BSN: variants seen among roughly 807,000 people sequenced by gnomAD.
BSN encodes protein bassoon.
In BSN, 57 loss-of-function variants were observed where a neutral mutation model predicts 264.8. That is an observed-to-expected ratio of 0.22 (90% CI 0.17 to 0.27). The LOEUF is 0.27. BSN is among the 10% of genes least tolerant of loss of function. The pLI, the probability that BSN is intolerant of heterozygous loss-of-function variation, is 1.00. For missense variants in BSN, 4,615 were observed against 5,232.5 expected (o/e 0.88, Z 3.64); for synonymous variants, 2,059 against 2,137.3 (o/e 0.96, Z 1.01).
In BSN at chr3:49,657,792, G is replaced by A. The variant is rs755150614; in HGVS notation, c.8236G>A (p.Gly2746Ser). 5 of 1,571,210 alleles carry A rather than the reference G, an allele frequency of 3.2e-6. No homozygotes were observed. The highest frequency in any genetic ancestry group is 4.3e-6 in the Non-Finnish European group (5 of 1,156,728). The change falls in exon 5 of 12, where the codon GGC becomes AGC. Residue 2746 changes from glycine (G) to serine (S), a missense_variant. By Grantham distance (56) the Gly-to-Ser change is moderately conservative. Coordinates refer to ENST00000296452, the MANE Select transcript of BSN (RefSeq NM_003458.4). The stretch of plus-strand genomic sequence containing the variant: ...AACTGCCATCAGCCCCTACCTGCCT[G>A]GCATCCAGATCGTCACCCCAGGGCC... ...GPTAISPYLP[G>S]IQIVTPGPLG...
chr3:49,559,203 A>C, intron 1 of BSN, among the ~76,000 whole-genome samples: 1 of 152,180 alleles, frequency 6.6e-6, no homozygotes, highest in East Asian at 1.9e-4. Flanking sequence ...CTGGGATTAC[A>C]GGCATGAGCC....
Position 49,657,064 on chromosome 3 carries a change from C to T in BSN, c.7508C>T (p.Pro2503Leu), listed in dbSNP as rs777499886. ...AELAQNGQYWPPLTHAAFIAM... is the reference protein window; with the variant it reads ...AELAQNGQYWLPLTHAAFIAM... ...TTGGCCCAGAATGGCCAGTATTGGC[C>T]CCCCCTTACACATGCAGCCTTCATT... is the stretch of plus-strand genomic sequence containing the variant. The change falls in exon 5 of 12, where the codon CCC becomes CTC. Residue 2503 changes from proline to leucine, a missense_variant. Transcript: ENST00000296452. 1.2e-6 allele frequency: 2 copies of T among 1,609,530 alleles called. No individual in the cohort carries two copies. The highest frequency in any genetic ancestry group is 1.1e-5 in the South Asian group (1 of 90,884).
chr3:49,567,934 CTTCTCCATATGAT>C (rs2051766554), intron 1 of BSN, among the ~76,000 whole-genome samples: 1 of 152,170 alleles, frequency 6.6e-6, no homozygotes, highest in African/African-American at 2.4e-5. Context: ...AGCCCCAGGG[CTTCTCCATATGAT>C]TTCTCCATGT....
chr3:49,602,491 G>A (rs1473067009), intron 1 of BSN, among the ~76,000 whole-genome samples: 2 of 150,720 alleles, frequency 1.3e-5, no homozygotes, highest in Non-Finnish European at 2.9e-5. Flanking sequence ...TGTCTCCCAG[G>A]CTGGAGTGCA....
intron 1 of BSN, among the ~76,000 whole-genome samples, chr3:49,620,123 T>TCC (rs1182974626): frequency 6.6e-6 from 1 of 151,776 alleles, no homozygotes; most frequent in African/African-American, 2.4e-5. Flanking sequence ...AGGGTAAGTG[T>TCC]CCCTGAAAGG....
intron 1 of BSN, among the ~76,000 whole-genome samples, chr3:49,617,337 TA>T (rs1254607286): frequency 6.7e-5 from 10 of 148,812 alleles, no homozygotes; most frequent in African/African-American, 2.5e-4. Flanking sequence ...AATTTGTCCC[TA>T]GATAAGGCAT....
At chr3:49,663,966 C>G (rs2052689515) in intron 8 of BSN, 80 bp downstream of exon 8, 1 of 1,301,274 alleles carries the variant, frequency 7.7e-7, no homozygotes, top group African/African-American at 1.5e-5. Flanking sequence ...GTGCCCTGAG[C>G]TCCCCCACAC....
At chr3:49,607,799 A>G (rs1475909499) in intron 1 of BSN, among the ~76,000 whole-genome samples, 1 of 152,204 alleles carries the variant, frequency 6.6e-6, no homozygotes, top group East Asian at 1.9e-4. Context: ...AAAGGGGAAG[A>G]GAGTAGAGGA....
chr3:49,655,465 G>T lies in BSN; in HGVS notation c.5909G>T (p.Arg1970Met). 6.3e-7 allele frequency: 1 copy of T among 1,581,706 alleles called. No homozygotes were observed. ...VVGPGPHEEQ[R>M]PYPQGLPGRL... ...GGGCCTGGGCCCCATGAGGAGCAGAGGCCCTACCCACAAGGCCTGCCTGGT... is the reference window on the plus strand; with the variant it reads ...GGGCCTGGGCCCCATGAGGAGCAGATGCCCTACCCACAAGGCCTGCCTGGT... The change falls in exon 5 of 12, where the codon AGG (arginine) becomes ATG (methionine). Residue 1970 changes from arginine to methionine, a missense_variant. Physicochemically the swap from Arg to Met is moderately conservative, Grantham distance 91. Coordinates refer to ENST00000296452, the MANE Select transcript of BSN (RefSeq NM_003458.4).
rs747219619 is a variant in BSN, at chr3:49,656,472, G to A, written c.6916G>A (p.Ala2306Thr). Residue 2306 changes from alanine (A) to threonine (T), a missense_variant, in exon 5 of 12, where the codon GCA becomes ACA. Physicochemically the swap from Ala to Thr is moderately conservative, Grantham distance 58. Coordinates refer to ENST00000296452, the MANE Select transcript of BSN (RefSeq NM_003458.4). ...AAGGCCAGAGATGCCAGTAGGGGCTGCACGGGAAGAGCCTCTTCCCACAAC... is the reference window on the plus strand; with the variant it reads ...AAGGCCAGAGATGCCAGTAGGGGCTACACGGGAAGAGCCTCTTCCCACAAC... ...PSRPEMPVGA[A>T]REEPLPTTTP... 1 of 1,597,992 alleles carries A rather than the reference G, an allele frequency of 6.3e-7. No homozygotes were observed. The highest frequency in any genetic ancestry group is 8.5e-7 in the Non-Finnish European group (1 of 1,170,882).
In BSN at chr3:49,606,219, T is replaced by TAAAA. The variant is rs1559603604; in HGVS notation, c.225-18755_225-18754insAAAA. Among the ~76,000 whole-genome samples the TAAAA allele has an allele frequency of 4.6e-3, 87 of 19,106 alleles. 2 individuals are homozygous for TAAAA. Among genetic ancestry groups the TAAAA allele is most frequent in the African/African-American group, 0.02 (86 of 4,286 alleles). 12.5% of individuals were successfully genotyped at this position (19,106 alleles called of 152,430 possible). A position where few individuals can be genotyped will look rare whatever the true frequency, so the allele number is the denominator to read the frequency against. On this transcript the variant is annotated intron_variant, in intron 1 of 11. Coordinates refer to ENST00000296452, the MANE Select transcript of BSN (RefSeq NM_003458.4). ...ATACATATATTATATATGTATATAT[T>TAAAA]ATATATACATATATTATATATGTAT...
intron 10 of BSN, 94 bp downstream of exon 10, chr3:49,664,947 G>A: frequency 1.1e-6 from 1 of 928,638 alleles, no homozygotes; most frequent in South Asian, 1.4e-5. Context: ...GGTCCTCTGG[G>A]AGGAGTCCAG....
chr3:49,576,940 G>A (rs1177305905), intron 1 of BSN, among the ~76,000 whole-genome samples: 1 of 152,164 alleles, frequency 6.6e-6, no homozygotes, highest in African/African-American at 2.4e-5. Context: ...ACCCCAATCC[G>A]GAAGGAGGGT....
chr3:49,596,289 A>G (rs950911786), intron 1 of BSN, among the ~76,000 whole-genome samples: 4 of 152,112 alleles, frequency 2.6e-5, no homozygotes, highest in African/African-American at 7.2e-5. Context: ...CTGTAGTCCC[A>G]GCTACTCGGG....
rs554362911 is a variant in BSN at position 49,557,703 on chromosome 3, G to A, written c.224+2877G>A. Among the ~76,000 whole-genome samples the A allele has an allele frequency of 5.3e-5, 8 of 150,754 alleles. No homozygotes were observed. In the East Asian group the frequency reaches 1.2e-3, roughly 22 times the overall value. Reference sequence around the variant, plus strand: ...CGCCATTCTCCTGCCTCAGCCTCCCGAGTAGCTGGGACTGCAGGCGCCCAC... The same window carrying A: ...CGCCATTCTCCTGCCTCAGCCTCCCAAGTAGCTGGGACTGCAGGCGCCCAC... On this transcript the variant is annotated intron_variant, in intron 1 of 11. Coordinates refer to ENST00000296452, the MANE Select transcript of BSN (RefSeq NM_003458.4).
intron 1 of BSN, among the ~76,000 whole-genome samples, chr3:49,603,071 C>G (rs990108166): frequency 1.3e-5 from 2 of 152,366 alleles, no homozygotes; most frequent in Non-Finnish European, 1.5e-5. Flanking sequence ...CTGCCTCTCA[C>G]TGGGCAGCTG....
chr3:49,654,929 G>C lies in BSN; in HGVS notation c.5373G>C (p.Arg1791=). 6.2e-7 allele frequency: 1 copy of C among 1,611,858 alleles called. No homozygotes were observed. The highest frequency in any genetic ancestry group is 8.5e-7 in the Non-Finnish European group (1 of 1,178,806). The change falls in exon 5 of 12, where the codon CGG becomes CGC. Residue 1791 remains arginine (R), a synonymous_variant. Coordinates refer to ENST00000296452, the MANE Select transcript of BSN (RefSeq NM_003458.4). The surrounding 1 kb of genome is among the most constrained non-coding windows in gnomAD (Gnocchi z 4.1). The part of the protein sequence containing the change: ...VQTAPYRSGP[R]GRPREAKFAR... ...CAGCCCCATACCGAAGTGGGCCCCG[G>C]GGAAGACCCAGGGAGGCCAAGTTTG...
At chr3:49,636,064 G>A (rs936631934) in intron 2 of BSN, among the ~76,000 whole-genome samples, 1 of 152,050 alleles carries the variant, frequency 6.6e-6, no homozygotes, top group African/African-American at 2.4e-5. Context: ...TTTATTTAAG[G>A]TTTCTCTTTT....
intron 1 of BSN, among the ~76,000 whole-genome samples, chr3:49,569,456 C>T (rs907438576): frequency 6.6e-6 from 1 of 152,170 alleles, no homozygotes; most frequent in Admixed American, 6.5e-5. Flanking sequence ...TAGTTGATGT[C>T]AGGTTCCATG....
Sources: allele counts gnomAD v4.1 joint callset (sites outside exome capture counted in the v4.1 genomes callset), GRCh38; gene constraint gnomAD v4.1.1; non-coding constraint Gnocchi (gnomAD v3.1); transcripts MANE v1.5; gene names NCBI Gene and HGNC (gene_info 2026-07-23, HGNC 2026-07-21).